ASAP2: variants seen among roughly 807,000 people sequenced by gnomAD.
The protein encoded by ASAP2 is ArfGAP with SH3 domain, ankyrin repeat and PH domain 2, also known as arf-GAP with SH3 domain, ANK repeat and PH domain-containing protein 2.
Under a neutral mutation model 131.4 loss-of-function variants are expected in ASAP2, and 45 were observed. The ratio of observed to expected loss-of-function variants is 0.34; its 90% confidence interval spans 0.27 to 0.44. ASAP2 has a LOEUF of 0.44. Ranked by LOEUF, ASAP2 falls within the 20% of genes least tolerant of loss-of-function variation. ASAP2 has a pLI of 1.00. For synonymous variants in ASAP2, 510 were observed against 503.0 expected (o/e 1.01, Z -0.19); for missense variants, 1,011 against 1,297.0 (o/e 0.78, Z 3.39).
At chr2:9,233,885 T>A (rs1484889497) in intron 1 of ASAP2, among the ~76,000 whole-genome samples, 1 of 151,520 alleles carries the variant, frequency 6.6e-6, no homozygotes, top group Non-Finnish European at 1.5e-5. Flanking sequence ...CTGGGGTGGG[T>A]GGATCACCTG....
chr2:9,253,267 G>A (rs1205846626), intron 1 of ASAP2, among the ~76,000 whole-genome samples: 1 of 151,968 alleles, frequency 6.6e-6, no homozygotes, highest in Non-Finnish European at 1.5e-5. Flanking sequence ...GGGTTCAAGC[G>A]ATTCTCGTGC....
intron 21 of ASAP2, among the ~76,000 whole-genome samples, chr2:9,385,811 A>G (rs1002976653): frequency 4.6e-5 from 7 of 152,222 alleles, no homozygotes; most frequent in African/African-American, 1.7e-4. Context: ...AGTTTGGGAT[A>G]TTGAAGCCTC....
At chr2:9,326,702 C>G (rs1670502878) in intron 6 of ASAP2, among the ~76,000 whole-genome samples, 1 of 152,110 alleles carries the variant, frequency 6.6e-6, no homozygotes, top group Non-Finnish European at 1.5e-5. Flanking sequence ...CCTATTTTCA[C>G]TCTCTAGTAT....
chr2:9,207,724 G>C lies in ASAP2; in HGVS notation c.126+494G>C, dbSNP rs540273371. 1.3e-5 allele frequency among the ~76,000 whole-genome samples: 2 copies of C among 152,134 alleles called. No homozygotes were observed. Among genetic ancestry groups the C allele is most frequent in the African/African-American group, 2.4e-5 (1 of 41,548 alleles). On this transcript the variant is annotated intron_variant, in intron 1 of 27. Coordinates refer to ENST00000281419, the MANE Select transcript of ASAP2 (RefSeq NM_003887.3). The surrounding 1 kb of genome is among the most constrained non-coding windows in gnomAD (Gnocchi z 4.1). ...GGGTCCGGGGCATCCCGGGCTGCCC[G>C]GGAAGGCGTGCCCGCCTCAGCCAGG...
At chr2:9,270,140 C>T (rs1666236078) in intron 1 of ASAP2, among the ~76,000 whole-genome samples, 1 of 152,240 alleles carries the variant, frequency 6.6e-6, no homozygotes. Context: ...CAGCTTCCAC[C>T]TGGCCCCTGA....
rs189809423 is a variant in ASAP2, at chr2:9,301,434, T to C, written c.345+3989T>C. Among the ~76,000 whole-genome samples, 17 of 152,302 alleles carry C rather than the reference T, an allele frequency of 1.1e-4. No homozygotes were observed. The East Asian group carries it at 3.3e-3, about 29-fold the overall frequency. On this transcript the variant is annotated intron_variant, in intron 3 of 27. Coordinates refer to ENST00000281419, the MANE Select transcript of ASAP2 (RefSeq NM_003887.3). Reference sequence around the variant, plus strand: ...GTGACATGTGTGAAATTAAAGTGCTTATGAAGTCAGCCTAGTTTCAGGGGT... The same window carrying C: ...GTGACATGTGTGAAATTAAAGTGCTCATGAAGTCAGCCTAGTTTCAGGGGT...
intron 1 of ASAP2, among the ~76,000 whole-genome samples, chr2:9,244,956 T>C (rs916402923): frequency 3.3e-5 from 5 of 152,206 alleles, no homozygotes; most frequent in African/African-American, 1.2e-4. Flanking sequence ...GGTGACACGA[T>C]GGTGTGTGAG....
chr2:9,400,233 C>CT (rs1372641631), intron 25 of ASAP2, among the ~76,000 whole-genome samples, 161 bp downstream of exon 25: 37 of 56,266 alleles, frequency 6.6e-4, no homozygotes, highest in Non-Finnish European at 1.0e-3. Flanking sequence ...CTCCTGCCCC[C>CT]TCCCCTCCTG....
chr2:9,263,071 G>A (rs1307989753), intron 1 of ASAP2, among the ~76,000 whole-genome samples: 1 of 152,004 alleles, frequency 6.6e-6, no homozygotes, highest in African/African-American at 2.4e-5. Flanking sequence ...TCTGAGCTCG[G>A]CTGCCTTCTG....
At chr2:9,212,639 T>G (rs536449257) in intron 1 of ASAP2, among the ~76,000 whole-genome samples, 3 of 152,032 alleles carry the variant, frequency 2.0e-5, no homozygotes, top group Non-Finnish European at 2.9e-5. Context: ...ACCGGTGCCT[T>G]CCTTTGTGGA....
At chr2:9,356,010 G>C in intron 12 of ASAP2, 37 bp from the exon 13 acceptor site, 1 of 1,610,950 alleles carries the variant, frequency 6.2e-7, no homozygotes, top group Non-Finnish European at 8.5e-7. Context: ...ATGGATTGCT[G>C]TCTGGGCTCA....
intron 18 of ASAP2, 27 bp downstream of exon 18, chr2:9,377,020 A>C: frequency 6.3e-7 from 1 of 1,584,942 alleles, no homozygotes; most frequent in Non-Finnish European, 8.7e-7. Context: ...TAAGGGAGGC[A>C]CTCGTTTTCT....
chr2:9,381,379 T>G (rs1156754916), intron 20 of ASAP2, among the ~76,000 whole-genome samples: 1 of 152,202 alleles, frequency 6.6e-6, no homozygotes, highest in African/African-American at 2.4e-5. Flanking sequence ...TATACCAGTA[T>G]ATAAGGTTGT....
At position 9,301,818 on chromosome 2, in the gene ASAP2, ATCTT is replaced by A. The variant is rs1461945143; in HGVS notation, c.345+4375_345+4378del. On this transcript the variant is annotated intron_variant, in intron 3 of 27. Coordinates refer to ENST00000281419, the MANE Select transcript of ASAP2 (RefSeq NM_003887.3). ...CTACCAAGCAACGTGTGTATCCATC[ATCTT>A]TTTTTTTTTTTTTTTTTTTGAGACG... 5.2e-3 allele frequency among the ~76,000 whole-genome samples: 666 copies of A among 127,362 alleles called. 7 individuals are homozygous for A. The highest frequency in any genetic ancestry group is 0.014 in the African/African-American group (470 of 33,550). 83.6% of individuals were successfully genotyped at this position (127,362 alleles called of 152,430 possible). A position where few individuals can be genotyped will look rare whatever the true frequency, so the allele number is the denominator to read the frequency against.
chr2:9,265,884 T>C (rs1665904070), intron 1 of ASAP2, among the ~76,000 whole-genome samples: 1 of 152,210 alleles, frequency 6.6e-6, no homozygotes, highest in East Asian at 1.9e-4. Flanking sequence ...GTGATTCTCC[T>C]GCCTCAGCCT....
chr2:9,283,789 C>T (rs1323579859), intron 2 of ASAP2, among the ~76,000 whole-genome samples: 6 of 152,186 alleles, frequency 3.9e-5, no homozygotes, highest in Non-Finnish European at 8.8e-5. Context: ...CTGCCTTCTC[C>T]CTGTACCCTC....
rs569788289 is a variant in ASAP2, at chr2:9,255,886, C to T, written c.127-23431C>T. ...AACATTGGGCTGGGGGGCACAAGAT[C>T]GTCTGATTTATTTGTATGCGTATTG... On this transcript the variant is annotated intron_variant, in intron 1 of 27. Coordinates refer to ENST00000281419, the MANE Select transcript of ASAP2 (RefSeq NM_003887.3). Among the ~76,000 whole-genome samples the T allele has an allele frequency of 3.9e-5, 6 of 152,186 alleles. No homozygotes were observed. In the South Asian group the frequency reaches 6.2e-4, roughly 16 times the overall value.
chr2:9,356,455 G>A (rs1001781913), intron 14 of ASAP2, 110 bp downstream of exon 14: 72 of 1,270,740 alleles, frequency 5.7e-5, no homozygotes, highest in Non-Finnish European at 7.2e-5. Flanking sequence ...GAAATTAAGT[G>A]CAGCTCAGCC....
chr2:9,249,956 T>C (rs923367015), intron 1 of ASAP2, among the ~76,000 whole-genome samples: 4 of 152,234 alleles, frequency 2.6e-5, no homozygotes, highest in African/African-American at 9.6e-5. Flanking sequence ...AAAGGCTACA[T>C]GCCATGTGGA....
Sources: allele counts gnomAD v4.1 joint callset (sites outside exome capture counted in the v4.1 genomes callset), GRCh38; gene constraint gnomAD v4.1.1; non-coding constraint Gnocchi (gnomAD v3.1); transcripts MANE v1.5; gene names NCBI Gene and HGNC (gene_info 2026-07-23, HGNC 2026-07-21).